The following CORIN variants were observed in gnomAD, a reference collection of about 807,000 sequenced individuals.
CORIN encodes atrial natriuretic peptide-converting enzyme.
CORIN carries 117 observed loss-of-function variants against 125.3 expected under a neutral mutation model. The ratio of observed to expected loss-of-function variants is 0.93; its 90% CI spans 0.80 to 1.09. The LOEUF is 1.09. Among genes scored for constraint, CORIN ranks in the 50% least tolerant of loss-of-function variants. CORIN has a pLI of 0.00. For synonymous variants in CORIN, 450 were observed against 466.4 expected (o/e 0.96, Z 0.45); for missense variants, 1,253 against 1,306.7 (o/e 0.96, Z 0.63).
At chr4:47,636,835 A>G (rs1723045173) in intron 16 of CORIN, among the ~76,000 whole-genome samples, 1 of 152,140 alleles carries the variant, frequency 6.6e-6, no homozygotes, top group Non-Finnish European at 1.5e-5. Context: ...AATACAGTAA[A>G]TTGGTACCAG....
chr4:47,770,830 C>T (rs1379523894), intron 3 of CORIN, among the ~76,000 whole-genome samples: 1 of 152,004 alleles, frequency 6.6e-6, no homozygotes, highest in Non-Finnish European at 1.5e-5. Context: ...AAAAGTTGAA[C>T]TCATAGAAGC....
At chr4:47,607,849 A>G (rs1482878813) in intron 19 of CORIN, among the ~76,000 whole-genome samples, 2 of 152,074 alleles carry the variant, frequency 1.3e-5, no homozygotes, top group African/African-American at 4.8e-5. Context: ...CAGGAGGCTG[A>G]GGCAGGAGAA....
At chr4:47,779,578 T>C (rs1412005332) in intron 3 of CORIN, among the ~76,000 whole-genome samples, 1 of 151,832 alleles carries the variant, frequency 6.6e-6, no homozygotes, top group Non-Finnish European at 1.5e-5. Flanking sequence ...TGGGATTACA[T>C]GTGTTTGCCA....
chr4:47,706,311 C>T, intron 5 of CORIN: 1 of 1,260,840 alleles, frequency 7.9e-7, no homozygotes, highest in Non-Finnish European at 1.1e-6. Context: ...ACTCTATGGA[C>T]TTTCAAGAAA....
chr4:47,597,952 G>A (rs1011299779), intron 21 of CORIN, among the ~76,000 whole-genome samples: 2 of 150,488 alleles, frequency 1.3e-5, no homozygotes, highest in Non-Finnish European at 2.9e-5. Context: ...AATGAGTGAT[G>A]ACTTCCAGGT....
At chr4:47,800,685 G>T (rs1021505037) in intron 2 of CORIN, among the ~76,000 whole-genome samples, 1 of 152,098 alleles carries the variant, frequency 6.6e-6, no homozygotes, top group African/African-American at 2.4e-5. Context: ...CTGAGAGCAG[G>T]CCACAGTTGA....
chr4:47,759,817 T>G (rs1176721074), intron 4 of CORIN, among the ~76,000 whole-genome samples: 2 of 152,230 alleles, frequency 1.3e-5, no homozygotes, highest in Non-Finnish European at 2.9e-5. Context: ...CCATTCAAGT[T>G]TGATCATGAG....
In CORIN at chr4:47,765,226, G is replaced by A. The variant is rs554698379; in HGVS notation, c.410-1640C>T. 3.9e-4 allele frequency among the ~76,000 whole-genome samples: 60 copies of A among 151,924 alleles called. No individual in the cohort carries two copies. In the Middle Eastern group the frequency reaches 0.01, roughly 26 times the overall value. On this transcript the variant is annotated intron_variant, in intron 3 of 21. Transcript: ENST00000273857. ...GGCGGGAGGCTGAGGCAGGAGAATG[G>A]TGTGAACCCGGGAGGCGGAGCTTGT... is the stretch of plus-strand genomic sequence containing the variant.
intron 10 of CORIN, among the ~76,000 whole-genome samples, chr4:47,673,780 C>A (rs890209682): frequency 3.9e-5 from 6 of 152,044 alleles, no homozygotes; most frequent in Admixed American, 2.0e-4. Context: ...ATTAAAAGAA[C>A]CGACTGCCTA....
chr4:47,653,211 A>ATGATACATATGTG (rs2109642848), intron 13 of CORIN, among the ~76,000 whole-genome samples: 1 of 152,328 alleles, frequency 6.6e-6, no homozygotes, highest in South Asian at 2.1e-4. Flanking sequence ...AAACTCTATC[A>ATGATACATATGTG]TAGGTACATA....
At position 47,702,839 on chromosome 4, in the gene CORIN, A is replaced by C. The variant is rs573432283; in HGVS notation, c.800-9756T>G. Among the ~76,000 whole-genome samples, 6 of 152,350 alleles carry C rather than the reference A, an allele frequency of 3.9e-5. No homozygotes were observed. In the South Asian group the frequency reaches 1.2e-3, roughly 32 times the overall value. ...AAATTCACTTCCAATCCCATGAAGA[A>C]TGTATTGCATCACTTTCCTACCTAC... On this transcript the variant is annotated intron_variant, in intron 5 of 21. Transcript: ENST00000273857.
chr4:47,765,770 T>G (rs1345673261), intron 3 of CORIN, among the ~76,000 whole-genome samples: 2 of 152,232 alleles, frequency 1.3e-5, no homozygotes, highest in Admixed American at 1.3e-4. Context: ...GCCAGTGAAG[T>G]TGAGCACCTT....
intron 5 of CORIN, among the ~76,000 whole-genome samples, chr4:47,705,165 T>C (rs1357705773): frequency 6.6e-6 from 1 of 152,256 alleles, no homozygotes; most frequent in Non-Finnish European, 1.5e-5. Flanking sequence ...TACTGCTTTT[T>C]TTCCCCCTGA....
intron 5 of CORIN, among the ~76,000 whole-genome samples, chr4:47,711,945 G>A (rs142985422): frequency 7.0e-4 from 106 of 152,324 alleles, no homozygotes; most frequent in African/African-American, 2.5e-3. Context: ...GCCTAGGGCT[G>A]TACCTACAAC....
At chr4:47,719,282 A>G (rs1167210726) in intron 5 of CORIN, among the ~76,000 whole-genome samples, 1 of 152,098 alleles carries the variant, frequency 6.6e-6, no homozygotes, top group Admixed American at 6.5e-5. Context: ...CAAATTCTCC[A>G]TATGTGAGTC....
intron 12 of CORIN, among the ~76,000 whole-genome samples, chr4:47,654,618 T>A (rs1577788122): frequency 1.3e-5 from 2 of 152,118 alleles, no homozygotes; most frequent in East Asian, 3.9e-4. Context: ...GAGGGAGCAT[T>A]TAGATGAACC....
intron 5 of CORIN, among the ~76,000 whole-genome samples, chr4:47,741,763 T>A (rs1216650874): frequency 6.6e-6 from 1 of 152,032 alleles, no homozygotes; most frequent in Non-Finnish European, 1.5e-5. Context: ...CTACAGCATA[T>A]ATGAACCCTG....
chr4:47,832,128 G>T (rs1434882506), intron 1 of CORIN, among the ~76,000 whole-genome samples: 1 of 152,138 alleles, frequency 6.6e-6, no homozygotes, highest in Non-Finnish European at 1.5e-5. Context: ...TCCTTCTGTT[G>T]TATTAGTTTC....
chr4:47,713,359 T>G (rs1197627479), intron 5 of CORIN, among the ~76,000 whole-genome samples: 1 of 152,192 alleles, frequency 6.6e-6, no homozygotes, highest in Non-Finnish European at 1.5e-5. Context: ...TTTCATCCAC[T>G]CAGCATTTTT....
Sources: allele counts gnomAD v4.1 joint callset (sites outside exome capture counted in the v4.1 genomes callset), GRCh38; gene constraint gnomAD v4.1.1; transcripts MANE v1.5; gene names NCBI Gene and HGNC (gene_info 2026-07-23, HGNC 2026-07-21).